Variants in RSRC1 observed in about 807,000 individuals in gnomAD.
RSRC1 encodes arginine and serine rich coiled-coil 1, also known as serine/Arginine-related protein 53.
A neutral mutation model predicts 49.1 loss-of-function variants in RSRC1; 39 were observed. That is an observed-to-expected ratio of 0.79 (90% CI 0.61 to 1.04). The LOEUF (loss-of-function observed/expected upper bound fraction) is 1.04. Among genes scored for constraint, RSRC1 ranks in the 50% least tolerant of loss-of-function variants. The probability of loss-of-function intolerance (pLI) is 0.00; values close to 1 mark genes in which losing one functional copy is unlikely to be tolerated. For synonymous variants in RSRC1, 143 were observed against 130.8 expected (o/e 1.09, Z -0.63); for missense variants, 388 against 402.4 (o/e 0.96, Z 0.31).
At chr3:158,365,317 G>C (rs1168519546) in intron 6 of RSRC1, among the ~76,000 whole-genome samples, 1 of 151,342 alleles carries the variant, frequency 6.6e-6, no homozygotes, top group African/African-American at 2.4e-5. Context: ...CCCCCCGACA[G>C]GCCCCGGTGT....
chr3:158,268,222 C>T lies in RSRC1; in HGVS notation c.495-29817C>T, dbSNP rs977402185. On this transcript the variant is annotated intron_variant, in intron 4 of 9. Coordinates refer to ENST00000611884, the MANE Select transcript of RSRC1 (RefSeq NM_001271838.2). ...CAGATACTTCAAGTTCATTCTTCTT[C>T]ACCTTTCTACCACCAGAGATGCACA... 1.7e-4 allele frequency among the ~76,000 whole-genome samples: 26 copies of T among 152,164 alleles called. 1 individual carries two copies. The highest frequency in any genetic ancestry group is 1.5e-5 in the Non-Finnish European group (1 of 68,032).
At chr3:158,293,296 G>A (rs904482925) in intron 4 of RSRC1, among the ~76,000 whole-genome samples, 7 of 151,890 alleles carry the variant, frequency 4.6e-5, no homozygotes, top group South Asian at 2.1e-4. Context: ...ATACATATGT[G>A]TACGTACGTA....
intron 3 of RSRC1, among the ~76,000 whole-genome samples, chr3:158,178,407 G>A (rs1358628191): frequency 1.3e-5 from 2 of 152,124 alleles, no homozygotes; most frequent in Non-Finnish European, 2.9e-5. Flanking sequence ...CCAGAGTGCT[G>A]GGATTACAGG....
intron 4 of RSRC1, among the ~76,000 whole-genome samples, chr3:158,266,970 C>T (rs1231471702): frequency 1.3e-5 from 2 of 152,124 alleles, no homozygotes; most frequent in Non-Finnish European, 1.5e-5. Flanking sequence ...CGCTGTGTTG[C>T]GCAGGCTGGT....
chr3:158,274,231 A>G (rs1353259550), intron 4 of RSRC1, among the ~76,000 whole-genome samples: 1 of 152,186 alleles, frequency 6.6e-6, no homozygotes, highest in Non-Finnish European at 1.5e-5. Flanking sequence ...TTGGGATTTC[A>G]TATAACCTGT....
intron 1 of RSRC1, among the ~76,000 whole-genome samples, chr3:158,119,667 T>G (rs1323089809): frequency 6.6e-6 from 1 of 151,570 alleles, no homozygotes; most frequent in Non-Finnish European, 1.5e-5. Flanking sequence ...ATTTGATATA[T>G]ATAATGGATA....
At chr3:158,239,062 A>G (rs1290539278) in intron 4 of RSRC1, among the ~76,000 whole-genome samples, 1 of 152,226 alleles carries the variant, frequency 6.6e-6, no homozygotes, top group African/African-American at 2.4e-5. Flanking sequence ...ATATGAACAG[A>G]CACTTCTCAA....
At chr3:158,452,461 A>G (rs761574434) in intron 6 of RSRC1, among the ~76,000 whole-genome samples, 12 of 152,202 alleles carry the variant, frequency 7.9e-5, no homozygotes, top group Non-Finnish European at 1.6e-4. Context: ...TTTGATGACT[A>G]ATCCAATAAA....
In RSRC1 at chr3:158,519,998, A is replaced by G. The variant is rs145241952; in HGVS notation, c.653-17094A>G. On this transcript the variant is annotated intron_variant, in intron 7 of 9. Transcript: ENST00000611884. ...TGTCATGGAAGCCAAATGAAAAAAA[A>G]GTTTCAGGAATGAAGAAGTGGTCAC... is the stretch of plus-strand genomic sequence containing the variant. Among the ~76,000 whole-genome samples, 426 of 152,250 alleles carry G rather than the reference A, an allele frequency of 2.8e-3. 2 individuals are homozygous for G. Among genetic ancestry groups the G allele is most frequent in the African/African-American group, 9.4e-3 (392 of 41,554 alleles).
chr3:158,240,369 AT>A (rs1335893653), intron 4 of RSRC1, among the ~76,000 whole-genome samples: 3 of 151,996 alleles, frequency 2.0e-5, no homozygotes, highest in Admixed American at 6.6e-5. Flanking sequence ...TTTATCAAAG[AT>A]TTTTTTCTAT....
intron 7 of RSRC1, among the ~76,000 whole-genome samples, chr3:158,528,830 A>G (rs1712204509): frequency 6.6e-6 from 1 of 151,964 alleles, no homozygotes; most frequent in South Asian, 2.1e-4. Context: ...GGATTTGACT[A>G]TCAATGTTGA....
intron 5 of RSRC1, among the ~76,000 whole-genome samples, chr3:158,309,624 T>C (rs1163431921): frequency 6.6e-5 from 10 of 151,832 alleles, no homozygotes; most frequent in Admixed American, 6.6e-4. Context: ...CTTATACTGG[T>C]ACACTCTTAT....
chr3:158,356,485 G>A (rs1368077558), intron 6 of RSRC1, among the ~76,000 whole-genome samples: 4 of 151,950 alleles, frequency 2.6e-5, no homozygotes, highest in Admixed American at 1.3e-4. Flanking sequence ...TTTTAGTTTT[G>A]ATGAAGTGTC....
Position 158,420,082 on chromosome 3 carries a change from G to T in RSRC1, c.584-40853G>T, listed in dbSNP as rs562759331. 7.2e-3 allele frequency among the ~76,000 whole-genome samples: 1,096 copies of T among 151,834 alleles called. 13 individuals are homozygous for T. The highest frequency in any genetic ancestry group is 0.026 in the African/African-American group (1,063 of 41,472). On this transcript the variant is annotated intron_variant, in intron 6 of 9. Transcript: ENST00000611884. ...CACAAAAGCCTCATCCTACAAAAAA[G>T]TTTGAAGACTACCTGCGTTGCTTCA...
Position 158,385,052 on chromosome 3 carries a change from TA to T in RSRC1, c.583+30147del, listed in dbSNP as rs1273982153. ...AAAAGGAAAAATAAATTTATTTTAG[TA>T]AATACAATGAAATTTGCTTTTTCTT... On this transcript the variant is annotated intron_variant, in intron 6 of 9. Transcript: ENST00000611884. Among the ~76,000 whole-genome samples, 11 of 152,320 alleles carry T rather than the reference TA, an allele frequency of 7.2e-5. No individual in the cohort carries two copies. The East Asian group carries it at 2.1e-3, about 29-fold the overall frequency.
chr3:158,129,697 TTGTC>T (rs1396256740), intron 3 of RSRC1, among the ~76,000 whole-genome samples: 4 of 152,202 alleles, frequency 2.6e-5, no homozygotes, highest in Admixed American at 6.5e-5. Context: ...TTCCATTCCT[TTGTC>T]TGTTTTTATA....
chr3:158,124,853 C>G lies in RSRC1; in HGVS notation c.320+862C>G, dbSNP rs116292014. Among the ~76,000 whole-genome samples the G allele has an allele frequency of 7.9e-3, 1,078 of 136,780 alleles. 5 individuals are homozygous for G. The highest frequency in any genetic ancestry group is 0.028 in the African/African-American group (1,022 of 36,158). 89.7% of individuals were successfully genotyped at this position (136,780 alleles called of 152,430 possible). On this transcript the variant is annotated intron_variant, in intron 3 of 9. Transcript: ENST00000611884. ...TTTTTTTTGGAGGTGAGGTGTTGCT[C>G]TGTCACCTAGGCTTGGGTGTATTGG... is the stretch of plus-strand genomic sequence containing the variant.
Position 158,301,718 on chromosome 3 carries a change from T to C in RSRC1, c.531+3643T>C, listed in dbSNP as rs529652362. Among the ~76,000 whole-genome samples, 527 of 152,340 alleles carry C rather than the reference T, an allele frequency of 3.5e-3. 2 individuals carry two copies. Among genetic ancestry groups the C allele is most frequent in the Non-Finnish European group, 6.4e-3 (433 of 68,030 alleles). ...TCCCTTTCTCCAATGAATATAGTTA[T>C]GTTATTCATTTGAAATATAGTTGCA... On this transcript the variant is annotated intron_variant, in intron 5 of 9. Coordinates refer to ENST00000611884, the MANE Select transcript of RSRC1 (RefSeq NM_001271838.2).
intron 5 of RSRC1, among the ~76,000 whole-genome samples, chr3:158,335,369 T>C (rs748517633): frequency 5.3e-4 from 80 of 152,050 alleles, no homozygotes; most frequent in Non-Finnish European, 7.6e-4. Flanking sequence ...CAGGGCCTAG[T>C]TGAGAAGTAG....
Sources: allele counts gnomAD v4.1 joint callset (sites outside exome capture counted in the v4.1 genomes callset), GRCh38; gene constraint gnomAD v4.1.1; transcripts MANE v1.5; gene names NCBI Gene and HGNC (gene_info 2026-07-23, HGNC 2026-07-21).